The following AHNAK variants were observed in gnomAD, a reference collection of about 807,000 sequenced individuals.
AHNAK encodes AHNAK nucleoprotein.
In AHNAK, 23 loss-of-function variants were observed where a neutral mutation model predicts 37.8. That is an observed-to-expected ratio of 0.61 (90% CI 0.44 to 0.86). The LOEUF is 0.86. Ranked by LOEUF, AHNAK falls within the 40% of genes least tolerant of loss-of-function variation. The pLI is 0.00. For synonymous variants in AHNAK, 2,481 were observed against 2,636.3 expected (o/e 0.94, Z 1.80); for missense variants, 7,411 against 7,319.4 (o/e 1.01, Z -0.46).
In AHNAK at chr11:62,529,581, T is replaced by A. The variant is rs1465875800; in HGVS notation, c.4836A>T (p.Glu1612Asp). ...CCATCTTAGGGGCTTTCACATCAAT[T>A]TCAGGACCCTTCAAGTCTCCTTCCA... ...PKVEGDLKGP[E>D]IDVKAPKMDV... is the part of the protein sequence containing the mutation. Residue 1612 changes from glutamate (E) to aspartate (D), a missense_variant, in exon 5 of 5, where the codon GAA becomes GAT. Coordinates refer to ENST00000378024, the MANE Select transcript of AHNAK (RefSeq NM_001620.3). 2 of 1,614,108 alleles carry A rather than the reference T, an allele frequency of 1.2e-6. No homozygotes were observed. The highest frequency in any genetic ancestry group is 2.2e-5 in the South Asian group (2 of 91,076).
At chr11:62,504,842 A>T (rs1397279085) in intron 4 of AHNAK, among the ~76,000 whole-genome samples, 1 of 152,122 alleles carries the variant, frequency 6.6e-6, no homozygotes, top group Non-Finnish European at 1.5e-5. Flanking sequence ...AGGCGGTACC[A>T]CGCTGTTTGT....
At chr11:62,447,970 T>C (rs1261424802) in intron 5 of AHNAK, among the ~76,000 whole-genome samples, 1 of 152,006 alleles carries the variant, frequency 6.6e-6, no homozygotes, top group Admixed American at 6.6e-5. Context: ...TGAGAGGGCC[T>C]GTGGAGCCCT....
chr11:62,502,623 C>T (rs1020235247), intron 4 of AHNAK, among the ~76,000 whole-genome samples: 1 of 152,240 alleles, frequency 6.6e-6, no homozygotes, highest in South Asian at 2.1e-4. Context: ...GGCAGACAGA[C>T]AAGCCATTGG....
intron 4 of AHNAK, 108 bp downstream of exon 4, chr11:62,534,895 G>A: frequency 8.4e-7 from 1 of 1,195,888 alleles, no homozygotes; most frequent in Non-Finnish European, 1.2e-6. Flanking sequence ...AGGAGAAGAA[G>A]GAGCAAAAAG....
intron 5 of AHNAK, among the ~76,000 whole-genome samples, chr11:62,442,853 G>A (rs1318056190): frequency 6.6e-6 from 1 of 151,654 alleles, no homozygotes; most frequent in African/African-American, 2.4e-5. Context: ...GGGCAAGACA[G>A]AGCAAGACTC....
intron 5 of AHNAK, among the ~76,000 whole-genome samples, chr11:62,470,530 C>A (rs957446900): frequency 6.6e-6 from 1 of 152,086 alleles, no homozygotes; most frequent in Non-Finnish European, 1.5e-5. Flanking sequence ...CGCTTGAACC[C>A]GGGAGGCGGA....
At chr11:62,453,417 T>G (rs1431252146) in intron 5 of AHNAK, among the ~76,000 whole-genome samples, 1 of 152,106 alleles carries the variant, frequency 6.6e-6, no homozygotes, top group Admixed American at 6.6e-5. Flanking sequence ...ATAAGAATAA[T>G]AATTTAGCTA....
rs750950831 is a variant in AHNAK at position 62,522,516 on chromosome 11, C to T, written c.11901G>A (p.Lys3967=). ...TCACATCTGGAACATCAACGTCCAC[C>T]TTGGGTCCTGAGACGTCAAGGTCAG... The part of the protein sequence containing the change: ...PKADLDVSGP[K]VDVDVPDVNI... Residue 3967 remains lysine, a synonymous_variant, in exon 5 of 5, where the codon AAG becomes AAA. Coordinates refer to ENST00000378024, the MANE Select transcript of AHNAK (RefSeq NM_001620.3). 12 of 1,612,928 alleles carry T rather than the reference C, an allele frequency of 7.4e-6. No homozygotes were observed. The Admixed American group carries it at 1.5e-4, about 20-fold the overall frequency.
At chr11:62,463,612 G>T (rs1332628986) in intron 5 of AHNAK, among the ~76,000 whole-genome samples, 2 of 152,150 alleles carry the variant, frequency 1.3e-5, no homozygotes, top group Non-Finnish European at 2.9e-5. Flanking sequence ...CACTGTGCGT[G>T]CTGTCAGGCC....
chr11:62,443,093 T>G (rs1938345533), intron 5 of AHNAK, among the ~76,000 whole-genome samples: 1 of 150,652 alleles, frequency 6.6e-6, no homozygotes, highest in Non-Finnish European at 1.5e-5. Context: ...TGCCTCAGCC[T>G]CCCAAGTAGC....
chr11:62,533,833 A>T lies in AHNAK; in HGVS notation c.584T>A (p.Val195Glu). ...PRHELTEISN[V>E]DVETQSGKTV... ...CTTCCCAGACTGGGTCTCCACATCC[A>T]CATTGGAGATTTCAGTCAGTTCATG... The change falls in exon 5 of 5, where the codon GTG (valine) becomes GAG (glutamate). Residue 195 changes from valine (V) to glutamate (E), a missense_variant. By Grantham distance (121) the Val-to-Glu change is moderately radical. Transcript: ENST00000378024. 1 of 1,613,992 alleles carries T rather than the reference A, an allele frequency of 6.2e-7. No homozygotes were observed. Among genetic ancestry groups the T allele is most frequent in the Non-Finnish European group, 8.5e-7 (1 of 1,179,994 alleles).
Position 62,532,893 on chromosome 11 carries a change from G to C in AHNAK, c.1524C>G (p.Ser508Arg), listed in dbSNP as rs1204146222. Residue 508 changes from serine (S) to arginine (R), a missense_variant, in exon 5 of 5, where the codon AGC becomes AGG. Coordinates refer to ENST00000378024, the MANE Select transcript of AHNAK (RefSeq NM_001620.3). ...CTCCTTTCAGTTTAGGAGACCCAAG[G>C]CTCAGATCCACATCCTGCATGGAGA... ...PKISMQDVDL[S>R]LGSPKLKGDI... is the part of the protein sequence containing the mutation. 1.2e-6 allele frequency: 2 copies of C among 1,614,030 alleles called. No individual in the cohort carries two copies. The highest frequency in any genetic ancestry group is 3.3e-5 in the Admixed American group (2 of 59,998).
intron 1 of AHNAK, among the ~76,000 whole-genome samples, chr11:62,539,088 G>A (rs916455125): frequency 1.3e-5 from 2 of 152,162 alleles, no homozygotes; most frequent in African/African-American, 4.8e-5. Flanking sequence ...GCAAACTGGC[G>A]AAAACACCTC....
At chr11:62,440,274 G>C (rs1401443616) in intron 5 of AHNAK, among the ~76,000 whole-genome samples, 1 of 152,118 alleles carries the variant, frequency 6.6e-6, no homozygotes, top group Non-Finnish European at 1.5e-5. Flanking sequence ...AAACGACACT[G>C]AGAGGGGGAG....
Position 62,529,843 on chromosome 11 carries a change from C to G in AHNAK, c.4574G>C (p.Gly1525Ala). The change falls in exon 5 of 5, where the codon GGA becomes GCA. Residue 1525 changes from glycine (G) to alanine (A), a missense_variant. Physicochemically the swap from Gly to Ala is moderately conservative, Grantham distance 60. Transcript: ENST00000378024. ...GTTCATATCCACCTCTGGGCCCTCTCCTTTAAAGCCAGGCATGCTGAACTT... is the reference window on the plus strand; with the variant it reads ...GTTCATATCCACCTCTGGGCCCTCTGCTTTAAAGCCAGGCATGCTGAACTT... Reference protein sequence around the residue: ...MPKFSMPGFKGEGPEVDMNLP... With the variant: ...MPKFSMPGFKAEGPEVDMNLP... The G allele has an allele frequency of 6.2e-7, 1 of 1,613,676 alleles. No homozygotes were observed. Among genetic ancestry groups the G allele is most frequent in the Non-Finnish European group, 8.5e-7 (1 of 1,179,862 alleles).
chr11:62,469,856 A>T (rs1938994604), intron 5 of AHNAK, among the ~76,000 whole-genome samples: 1 of 152,222 alleles, frequency 6.6e-6, no homozygotes, highest in Admixed American at 6.5e-5. Context: ...GTAACCTGTG[A>T]AACTGATTGA....
Position 62,519,879 on chromosome 11 carries a change from A to C in AHNAK, c.14538T>G (p.Ala4846=). 1.2e-6 allele frequency: 2 copies of C among 1,613,072 alleles called. No homozygotes were observed. Among genetic ancestry groups the C allele is most frequent in the Non-Finnish European group, 1.7e-6 (2 of 1,179,640 alleles). ...KFKMPEINIK[A]PKISIPDVDL... Reference sequence around the variant, plus strand: ...CAACATCAGGTATGGAGATCTTGGGAGCTTTGATATTTATTTCAGGCATCT... The same window carrying C: ...CAACATCAGGTATGGAGATCTTGGGCGCTTTGATATTTATTTCAGGCATCT... The change falls in exon 5 of 5, where the codon GCT becomes GCG. Residue 4846 remains alanine (A), a synonymous_variant. Coordinates refer to ENST00000378024, the MANE Select transcript of AHNAK (RefSeq NM_001620.3).
At position 62,524,056 on chromosome 11, in the gene AHNAK, G is replaced by T; in HGVS notation, c.10361C>A (p.Pro3454Gln). The T allele has an allele frequency of 1.2e-6, 2 of 1,614,006 alleles. No homozygotes were observed. Among genetic ancestry groups the T allele is most frequent in the East Asian group, 4.5e-5 (2 of 44,880 alleles). The change falls in exon 5 of 5, where the codon CCA (proline) becomes CAA (glutamine). Residue 3454 changes from proline to glutamine, a missense_variant. Pro to Gln is a moderately conservative substitution (Grantham distance 76, BLOSUM62 -1). Transcript: ENST00000378024. ...FKGPKVDIKA[P>Q]EVNLNAPDVD... is the part of the protein sequence containing the mutation. ...ATCAGGTGCATTAAGATTGACTTCTGGTGCCTTAATATCCACTTTGGGGCC... is the reference window on the plus strand; with the variant it reads ...ATCAGGTGCATTAAGATTGACTTCTTGTGCCTTAATATCCACTTTGGGGCC...
intron 1 of AHNAK, among the ~76,000 whole-genome samples, chr11:62,545,125 T>C (rs1941265785): frequency 6.6e-6 from 1 of 152,136 alleles, no homozygotes. Flanking sequence ...CCACACTGCC[T>C]TTCCACAAAT....
Sources: gnomAD v4.1 joint callset for allele counts (sites outside exome capture counted in the v4.1 genomes callset) on GRCh38, gnomAD v4.1.1 for gene constraint, MANE v1.5 for transcripts, NCBI Gene and HGNC (gene_info 2026-07-23, HGNC 2026-07-21) for gene names.